TCAF1: variants seen among roughly 807,000 people sequenced by gnomAD.
TCAF1 encodes TRPM8 channel associated factor 1, also known as TRPM8 channel-associated factor 1.
Under a neutral mutation model 27.3 loss-of-function variants are expected in TCAF1, and 4 were observed. The observed-to-expected ratio is 0.15, with a 90% CI of 0.07 to 0.34. The LOEUF is 0.34. Ranked by LOEUF, TCAF1 falls within the 10% of genes least tolerant of loss-of-function variation. The probability of loss-of-function intolerance (pLI) is 1.00; values close to 1 mark genes in which losing one functional copy is unlikely to be tolerated. For missense variants in TCAF1, 257 were observed against 425.8 expected, an observed-to-expected ratio of 0.60 and a Z score of 3.49; for synonymous variants, 105 against 167.1, an observed-to-expected ratio of 0.63 and a Z score of 2.87.
In TCAF1 at chr7:143,852,389, A is replaced by G. The variant is rs1271531384; in HGVS notation, c.*1744T>C. ...CCCTTTTGGCTGTCACTCTAGAATG[A>G]GACATCCTAAGTAAGGTCCACTGTT... On this transcript the variant is annotated 3_prime_UTR_variant, in exon 9 of 9. Coordinates refer to ENST00000479870, the MANE Select transcript of TCAF1 (RefSeq NM_014719.3). The G allele has an allele frequency of 6.6e-6, 1 of 152,566 alleles. No individual in the cohort carries two copies. Among genetic ancestry groups the G allele is most frequent in the East Asian group, 1.9e-4 (1 of 5,192 alleles). The allele number at this position is 152,566 out of a possible 1,614,324, so 9.5% of individuals were successfully genotyped here. A position where few individuals can be genotyped will look rare whatever the true frequency, so the allele number is the denominator to read the frequency against.
chr7:143,898,536 T>A (rs543592667), intron 1 of TCAF1, among the ~76,000 whole-genome samples: 45 of 152,260 alleles, frequency 3.0e-4, no homozygotes, highest in African/African-American at 1.0e-3. Flanking sequence ...AATTTCTGTA[T>A]GCCAGCAACA....
intron 1 of TCAF1, among the ~76,000 whole-genome samples, chr7:143,884,643 A>G (rs913590526): frequency 2.0e-5 from 3 of 151,530 alleles, no homozygotes; most frequent in African/African-American, 7.3e-5. Context: ...ATAATAAAGG[A>G]CAAAATATAC....
chr7:143,876,093 C>A lies in TCAF1; in HGVS notation c.516G>T (p.Gly172=), dbSNP rs149240169. The change falls in exon 2 of 9, where the codon GGG becomes GGT. Residue 172 remains glycine (G), a synonymous_variant. Transcript: ENST00000479870. ...EDERVLFTFP[G]NLVTSVAGIY... ...TGCCAGCCACACTGGTCACGAGGTT[C>A]CCAGGGAACGTGAACAGAACCCTTT... The A allele has an allele frequency of 6.2e-7, 1 of 1,613,758 alleles. No individual in the cohort carries two copies. Among genetic ancestry groups the A allele is most frequent in the Non-Finnish European group, 8.5e-7 (1 of 1,179,712 alleles).
rs1432109911 is a variant in TCAF1, at chr7:143,852,266, T to C, written c.*1867A>G. 1 of 152,194 alleles carries C rather than the reference T, an allele frequency of 6.6e-6. No individual in the cohort carries two copies. The highest frequency in any genetic ancestry group is 1.5e-5 in the Non-Finnish European group (1 of 68,038). The allele number at this position is 152,194 out of a possible 1,614,324, so 9.4% of individuals were successfully genotyped here. A position where few individuals can be genotyped will look rare whatever the true frequency, so the allele number is the denominator to read the frequency against. On this transcript the variant is annotated 3_prime_UTR_variant, in exon 9 of 9. Coordinates refer to ENST00000479870, the MANE Select transcript of TCAF1 (RefSeq NM_014719.3). ...GCATCCCAGCTCTTCAATGATACTA[T>C]CTATGGCACTGAATGCACATTCTTC...
In TCAF1 at chr7:143,851,634, T is replaced by C. The variant is rs1003871400; in HGVS notation, c.*2499A>G. The C allele has an allele frequency of 6.6e-6, 1 of 152,240 alleles. No homozygotes were observed. 9.4% of individuals were successfully genotyped at this position (152,240 alleles called of 1,614,324 possible). A position where few individuals can be genotyped will look rare whatever the true frequency, so the allele number is the denominator to read the frequency against. ...TTACAACATCTTTAATAATTCCCCA[T>C]TACAAAAGATAAGGATTTAACTTAC... On this transcript the variant is annotated 3_prime_UTR_variant, in exon 9 of 9. Coordinates refer to ENST00000479870, the MANE Select transcript of TCAF1 (RefSeq NM_014719.3).
At chr7:143,882,760 G>A (rs1472502264) in intron 1 of TCAF1, 5 of 985,820 alleles carry the variant, frequency 5.1e-6, no homozygotes, top group Middle Eastern at 1.0e-3. Flanking sequence ...ATTTCCACGG[G>A]GGCAGGTGGG....
At chr7:143,874,857 A>C (rs1219436951) in intron 2 of TCAF1, among the ~76,000 whole-genome samples, 1 of 152,284 alleles carries the variant, frequency 6.6e-6, no homozygotes, top group East Asian at 1.9e-4. Flanking sequence ...ATCTTTGCAA[A>C]TCAGGTTCTT....
intron 1 of TCAF1, chr7:143,882,890 G>A (rs1234479446): frequency 4.1e-6 from 4 of 984,630 alleles, no homozygotes; most frequent in South Asian, 9.4e-5. Flanking sequence ...GGAGAGGAGG[G>A]GTTTCCACGG....
chr7:143,893,100 T>C (rs1352881821), intron 1 of TCAF1, among the ~76,000 whole-genome samples: 1 of 152,228 alleles, frequency 6.6e-6, no homozygotes, highest in African/African-American at 2.4e-5. Flanking sequence ...CAAGCAAACA[T>C]TAACCAAAAG....
intron 2 of TCAF1, among the ~76,000 whole-genome samples, chr7:143,868,012 CAA>C (rs1266668276): frequency 1.3e-5 from 1 of 79,146 alleles, no homozygotes; most frequent in Non-Finnish European, 2.7e-5. Context: ...ATGCCAATAT[CAA>C]AGTGTTTTGA....
intron 2 of TCAF1, among the ~76,000 whole-genome samples, chr7:143,874,592 C>T (rs1222123938): frequency 1.4e-5 from 2 of 148,052 alleles, no homozygotes; most frequent in Non-Finnish European, 3.0e-5. Context: ...TGTGAACATA[C>T]AGAGATCACT....
intron 1 of TCAF1, among the ~76,000 whole-genome samples, chr7:143,899,345 G>C (rs574050479): frequency 9.2e-5 from 14 of 152,278 alleles, no homozygotes; most frequent in Admixed American, 2.6e-4. Context: ...AAATTATTTA[G>C]TATTGAGGCA....
At chr7:143,897,130 G>GAA (rs1813902694) in intron 1 of TCAF1, among the ~76,000 whole-genome samples, 4 of 59,726 alleles carry the variant, frequency 6.7e-5, no homozygotes, top group Non-Finnish European at 1.1e-4. Context: ...TGTTAATCTT[G>GAA]AATATATATA....
At position 143,888,852 on chromosome 7, in the gene TCAF1, G is replaced by A. The variant is rs1426557744; in HGVS notation, c.-14-12230C>T. On this transcript the variant is annotated intron_variant, in intron 1 of 8. Coordinates refer to ENST00000479870, the MANE Select transcript of TCAF1 (RefSeq NM_014719.3). Reference sequence around the variant, plus strand: ...ACAGCCATTACAAACAAGAGAATCAGAAACAGGCAAAATTTAGATATCAGA... The same window carrying A: ...ACAGCCATTACAAACAAGAGAATCAAAAACAGGCAAAATTTAGATATCAGA... Among the ~76,000 whole-genome samples the A allele has an allele frequency of 2.0e-5, 3 of 152,058 alleles. No homozygotes were observed. In the East Asian group the frequency reaches 5.8e-4, roughly 29 times the overall value.
At chr7:143,859,992 ATAT>A (rs1406137244) in intron 6 of TCAF1, among the ~76,000 whole-genome samples, 11 of 30,164 alleles carry the variant, frequency 3.6e-4, no homozygotes, top group South Asian at 2.5e-3. Context: ...TATATAATAT[ATAT>A]TATATAATAT....
intron 1 of TCAF1, among the ~76,000 whole-genome samples, chr7:143,899,363 A>G (rs1001708465): frequency 6.6e-6 from 1 of 152,246 alleles, no homozygotes; most frequent in Non-Finnish European, 1.5e-5. Context: ...GCAGAGTTAG[A>G]CAAATAGAAA....
At chr7:143,887,780 A>G (rs1295675975) in intron 1 of TCAF1, among the ~76,000 whole-genome samples, 1 of 152,214 alleles carries the variant, frequency 6.6e-6, no homozygotes. Flanking sequence ...AGAATGAATG[A>G]TTTGCATTTT....
At chr7:143,900,980 G>A (rs1814087416) in intron 1 of TCAF1, among the ~76,000 whole-genome samples, 1 of 152,098 alleles carries the variant, frequency 6.6e-6, no homozygotes. Flanking sequence ...AGAAAAGCAA[G>A]GGATTCATTA....
intron 1 of TCAF1, among the ~76,000 whole-genome samples, chr7:143,901,161 T>A (rs769769408): frequency 2.0e-5 from 3 of 152,230 alleles, no homozygotes; most frequent in Non-Finnish European, 4.4e-5. Context: ...CTGAGATATT[T>A]CATTTACTTT....
Sources: gnomAD v4.1 joint callset for allele counts (sites outside exome capture counted in the v4.1 genomes callset) on GRCh38, gnomAD v4.1.1 for gene constraint, MANE v1.5 for transcripts, NCBI Gene and HGNC (gene_info 2026-07-23, HGNC 2026-07-21) for gene names.